The following CSGALNACT2 variants were observed in gnomAD, a reference collection of about 807,000 sequenced individuals.
CSGALNACT2 encodes the protein chondroitin sulfate N-acetylgalactosaminyltransferase 2, also known as beta 4 GalNAcT-2.
In CSGALNACT2, 35 loss-of-function variants were observed where a neutral mutation model predicts 55.3. The observed-to-expected ratio is 0.63, with a 90% CI of 0.48 to 0.84. The LOEUF is 0.84. CSGALNACT2 is among the 40% of genes least tolerant of loss of function. CSGALNACT2 has a pLI of 0.00. For synonymous variants in CSGALNACT2, 196 were observed against 224.9 expected, an observed-to-expected ratio of 0.87 and a Z score of 1.15; for missense variants, 544 against 657.5, an observed-to-expected ratio of 0.83 and a Z score of 1.89.
intron 1 of CSGALNACT2, among the ~76,000 whole-genome samples, chr10:43,147,708 C>A (rs1456191986): frequency 6.7e-6 from 1 of 148,984 alleles, no homozygotes; most frequent in East Asian, 2.0e-4. Context: ...AGCATCTTTT[C>A]ATGTATTTAT....
At chr10:43,183,226 A>G (rs761882126) in intron 7 of CSGALNACT2, 24 bp from the exon 8 acceptor site, 1 of 1,576,730 alleles carries the variant, frequency 6.3e-7, no homozygotes, top group Non-Finnish European at 8.7e-7. Flanking sequence ...GCAGTTATTT[A>G]TAGTGTCAAT....
intron 1 of CSGALNACT2, among the ~76,000 whole-genome samples, chr10:43,140,457 G>T (rs565082414): frequency 1.3e-5 from 2 of 152,150 alleles, no homozygotes; most frequent in African/African-American, 2.4e-5. Flanking sequence ...AGTTCAAGAC[G>T]TAAGTGATTC....
intron 1 of CSGALNACT2, among the ~76,000 whole-genome samples, chr10:43,148,488 C>T (rs1838807671): frequency 6.6e-6 from 1 of 152,182 alleles, no homozygotes; most frequent in Non-Finnish European, 1.5e-5. Context: ...GGAATATTAC[C>T]ATTTTAGCAA....
At chr10:43,165,039 C>A (rs534339458) in intron 5 of CSGALNACT2, among the ~76,000 whole-genome samples, 1 of 151,908 alleles carries the variant, frequency 6.6e-6, no homozygotes, top group Middle Eastern at 3.4e-3. Flanking sequence ...CTGGCTAACA[C>A]AGTGAAACCC....
intron 2 of CSGALNACT2, among the ~76,000 whole-genome samples, chr10:43,157,915 G>C (rs1415636096): frequency 6.6e-6 from 1 of 151,656 alleles, no homozygotes; most frequent in Middle Eastern, 3.2e-3. Flanking sequence ...TGTAGTCCCA[G>C]CTACTTGGGA....
rs759349794 is a variant in CSGALNACT2, at chr10:43,167,112, AT to A, written c.1254+18del. 7 of 1,520,592 alleles carry A rather than the reference AT, an allele frequency of 4.6e-6. No individual in the cohort carries two copies. In the Admixed American group the frequency reaches 5.0e-5, roughly 11 times the overall value. 94.2% of individuals were successfully genotyped at this position (1,520,592 alleles called of 1,614,324 possible). A position where few individuals can be genotyped will look rare whatever the true frequency, so the allele number is the denominator to read the frequency against. ...GAGCAGCAGCTGGTGAGACTTTCAC[AT>A]TTTCAGTTATGAAAGACTCTAAAGA... On this transcript the variant is annotated intron_variant, in intron 6 of 7. Coordinates refer to ENST00000374466, the MANE Select transcript of CSGALNACT2 (RefSeq NM_018590.5).
At position 43,151,859 on chromosome 10, in the gene CSGALNACT2, G is replaced by A. The variant is rs377257591; in HGVS notation, c.-253-3038G>A. On this transcript the variant is annotated intron_variant, in intron 1 of 7. Transcript: ENST00000374466. ...TGGGGATCACTGTCCTTTGTTACCT[G>A]ATGTTAAATATCTTGAAAATCATTG... Among the ~76,000 whole-genome samples, 4 of 152,258 alleles carry A rather than the reference G, an allele frequency of 2.6e-5. No individual in the cohort carries two copies. In the South Asian group the frequency reaches 6.2e-4, roughly 24 times the overall value.
chr10:43,172,652 C>T (rs1050583842), intron 6 of CSGALNACT2, among the ~76,000 whole-genome samples: 2 of 152,216 alleles, frequency 1.3e-5, no homozygotes, highest in African/African-American at 2.4e-5. Flanking sequence ...TTTGATGCCA[C>T]GCACTATCCA....
intron 2 of CSGALNACT2, among the ~76,000 whole-genome samples, chr10:43,157,196 G>A (rs559139647): frequency 1.3e-4 from 19 of 151,860 alleles, no homozygotes; most frequent in Middle Eastern, 3.4e-3. Context: ...TGGAAGCTGC[G>A]GAGGAAATAA....
At chr10:43,149,178 G>T (rs1165200932) in intron 1 of CSGALNACT2, among the ~76,000 whole-genome samples, 1 of 152,164 alleles carries the variant, frequency 6.6e-6, no homozygotes, top group African/African-American at 2.4e-5. Context: ...CGCCTCCCAG[G>T]TCCATGTGAT....
intron 6 of CSGALNACT2, among the ~76,000 whole-genome samples, chr10:43,167,823 T>C (rs1219544779): frequency 6.6e-6 from 1 of 152,024 alleles, no homozygotes; most frequent in East Asian, 1.9e-4. Context: ...ACATAATCTT[T>C]TATTATTAAT....
chr10:43,168,531 G>A (rs768183446), intron 6 of CSGALNACT2, among the ~76,000 whole-genome samples: 74 of 152,132 alleles, frequency 4.9e-4, no homozygotes, highest in Admixed American at 2.6e-4. Flanking sequence ...AAGTTACCCT[G>A]TAGGTATATA....
rs780096763 is a variant in CSGALNACT2 at position 43,155,343 on chromosome 10, A to G, written c.194A>G (p.Glu65Gly). ...EYYQALLQEQ[E>G]EHYQTRATSL... ...TATCAAGCCCTCCTACAGGAACAAG[A>G]AGAACATTATCAGACCAGGGCAACC... Residue 65 changes from glutamate to glycine, a missense_variant, in exon 2 of 8, where the codon GAA becomes GGA. By Grantham distance (98) the Glu-to-Gly change is moderately conservative (BLOSUM62 -2). Around this residue, in one of 2 missense-constraint regions of CSGALNACT2, gnomAD observed 374 missense variants for 401.3 expected, o/e 0.93. Transcript: ENST00000374466. 4 of 1,614,080 alleles carry G rather than the reference A, an allele frequency of 2.5e-6. No homozygotes were observed. In the African/African-American group the frequency reaches 5.3e-5, roughly 22 times the overall value.
intron 5 of CSGALNACT2, among the ~76,000 whole-genome samples, chr10:43,165,802 C>T (rs1839253433): frequency 6.6e-6 from 1 of 152,098 alleles, no homozygotes; most frequent in African/African-American, 2.4e-5. Flanking sequence ...CCAGCCTGGC[C>T]AACATGGTGA....
intron 1 of CSGALNACT2, among the ~76,000 whole-genome samples, chr10:43,142,730 T>C (rs192867003): frequency 6.6e-5 from 10 of 152,354 alleles, no homozygotes; most frequent in African/African-American, 2.4e-4. Context: ...AATGGACTTA[T>C]GCATATATAG....
chr10:43,165,109 T>C (rs570920165), intron 5 of CSGALNACT2, among the ~76,000 whole-genome samples: 1 of 152,094 alleles, frequency 6.6e-6, no homozygotes, highest in Non-Finnish European at 1.5e-5. Flanking sequence ...CCTGTAGTCC[T>C]AGCTCCTCAG....
intron 1 of CSGALNACT2, among the ~76,000 whole-genome samples, chr10:43,153,334 C>CAAAAAAA (rs367556732): frequency 4.4e-5 from 5 of 113,698 alleles, no homozygotes; most frequent in Non-Finnish European, 3.5e-5. Flanking sequence ...GACTCTGTCT[C>CAAAAAAA]AAAAAAAAAA....
intron 7 of CSGALNACT2, among the ~76,000 whole-genome samples, chr10:43,179,951 C>A (rs1839558134): frequency 1.3e-5 from 2 of 152,182 alleles, no homozygotes. Flanking sequence ...CTTTGGAGCA[C>A]TTTGTTCTTA....
intron 1 of CSGALNACT2, among the ~76,000 whole-genome samples, chr10:43,151,811 C>A (rs1266573450): frequency 6.6e-6 from 1 of 152,194 alleles, no homozygotes; most frequent in Non-Finnish European, 1.5e-5. Flanking sequence ...AGTAAGCTGG[C>A]AACCACTTGT....
Sources: gnomAD v4.1 joint callset for allele counts (sites outside exome capture counted in the v4.1 genomes callset) on GRCh38, gnomAD v4.1.1 for gene constraint, gnomAD v4.1.1 regional missense constraint, MANE v1.5 for transcripts, NCBI Gene and HGNC (gene_info 2026-07-23, HGNC 2026-07-21) for gene names.